The following IL1RAPL1 variants were observed in gnomAD, a reference collection of about 807,000 sequenced individuals.
The protein encoded by IL1RAPL1 is interleukin 1 receptor accessory protein like 1.
Under a neutral mutation model 48.4 loss-of-function variants are expected in IL1RAPL1, and 3 were observed. That is an observed-to-expected ratio of 0.06 (90% CI 0.03 to 0.16). IL1RAPL1 has a LOEUF of 0.16. Among genes scored for constraint, IL1RAPL1 ranks in the 10% least tolerant of loss-of-function variants. IL1RAPL1 has a pLI of 1.00. For synonymous variants in IL1RAPL1, 185 were observed against 187.7 expected, an observed-to-expected ratio of 0.99 and a Z score of 0.12; for missense variants, 349 against 530.6, an observed-to-expected ratio of 0.66 and a Z score of 3.36.
rs56284141 is a variant in IL1RAPL1, at chrX:29,405,511, T to C, written c.703+6203T>C. Among the ~76,000 whole-genome samples, 29 of 96,952 alleles carry C rather than the reference T, an allele frequency of 3.0e-4. 3 individuals carry two copies. The highest frequency in any genetic ancestry group is 9.2e-4 in the Admixed American group (9 of 9,739). The allele number at this position is 96,952 out of a possible 115,157, so 84.2% of individuals were successfully genotyped here. ...CCTCCCAAGTAGCTGGGACTACAGG[T>C]GCCCGCCACTAGGCCCAGCTAATTT... On this transcript the variant is annotated intron_variant, in intron 5 of 10. Coordinates refer to ENST00000378993, the MANE Select transcript of IL1RAPL1 (RefSeq NM_014271.4).
intron 3 of IL1RAPL1, among the ~76,000 whole-genome samples, chrX:29,334,787 C>A (rs1932957154): frequency 8.9e-6 from 1 of 112,847 alleles, no homozygotes; most frequent in South Asian, 3.7e-4. Context: ...TCCTCACTTT[C>A]CAGACTGTGC....
At chrX:29,419,275 C>G (rs902554059) in intron 5 of IL1RAPL1, among the ~76,000 whole-genome samples, 22 of 111,188 alleles carry the variant, frequency 2.0e-4, no homozygotes, top group African/African-American at 6.9e-4. Context: ...TATACTTCTT[C>G]TCATTCAAAT....
chrX:29,366,714 A>G (rs1445748841), intron 3 of IL1RAPL1, among the ~76,000 whole-genome samples: 2 of 107,522 alleles, frequency 1.9e-5, no homozygotes, highest in East Asian at 2.9e-4. Context: ...GACTACAGGT[A>G]CCCGGCACCA....
At chrX:29,843,996 T>C (rs1931194335) in intron 6 of IL1RAPL1, among the ~76,000 whole-genome samples, 1 of 111,546 alleles carries the variant, frequency 9.0e-6, no homozygotes, top group Admixed American at 9.6e-5. Flanking sequence ...GTTCCAGAGA[T>C]TGAGATTAGG....
At chrX:28,962,230 A>C (rs755778678) in intron 2 of IL1RAPL1, among the ~76,000 whole-genome samples, 1 of 112,122 alleles carries the variant, frequency 8.9e-6, no homozygotes, top group South Asian at 3.7e-4. Context: ...TAAACATTCA[A>C]ATGACTAAGC....
At chrX:28,698,888 AC>A (rs1167845777) in intron 1 of IL1RAPL1, among the ~76,000 whole-genome samples, 2 of 112,229 alleles carry the variant, frequency 1.8e-5, no homozygotes, top group African/African-American at 6.5e-5. Flanking sequence ...GCTAGAGAAT[AC>A]TACACAGAAA....
At chrX:29,144,603 CAAAAAAA>C (rs1235048808) in intron 2 of IL1RAPL1, among the ~76,000 whole-genome samples, 1 of 21,868 alleles carries the variant, frequency 4.6e-5, no homozygotes, top group Non-Finnish European at 9.3e-5. Flanking sequence ...AACTCAGTCT[CAAAAAAA>C]AAAAAAAAAA....
chrX:29,514,413 TTAAAAA>T (rs1403383840), intron 5 of IL1RAPL1, among the ~76,000 whole-genome samples: 3 of 112,796 alleles, frequency 2.7e-5, no homozygotes, highest in Non-Finnish European at 3.7e-5. Context: ...ATGTTTTTAC[TTAAAAA>T]TAGAAAAGAA....
chrX:29,136,777 G>C (rs1929137770), intron 2 of IL1RAPL1, among the ~76,000 whole-genome samples: 1 of 111,943 alleles, frequency 8.9e-6, no homozygotes, highest in African/African-American at 3.2e-5. Flanking sequence ...ATAATGTATG[G>C]ATGATGCTTA....
intron 1 of IL1RAPL1, among the ~76,000 whole-genome samples, chrX:28,707,806 C>T (rs1412717719): frequency 1.8e-5 from 2 of 112,014 alleles, no homozygotes. Flanking sequence ...GGTCTTTCCT[C>T]CTCTCCATTG....
intron 5 of IL1RAPL1, among the ~76,000 whole-genome samples, chrX:29,536,028 A>G (rs764672377): frequency 1.8e-5 from 2 of 112,043 alleles, no homozygotes; most frequent in African/African-American, 3.2e-5. Flanking sequence ...GTTGTAACCA[A>G]TGGTTAACAA....
At chrX:28,967,905 T>C (rs1306307807) in intron 2 of IL1RAPL1, among the ~76,000 whole-genome samples, 1 of 111,942 alleles carries the variant, frequency 8.9e-6, no homozygotes, top group Non-Finnish European at 1.9e-5. Flanking sequence ...GAGAAAAATA[T>C]TGATGAAGCA....
At chrX:28,792,733 A>G (rs1936553921) in intron 2 of IL1RAPL1, among the ~76,000 whole-genome samples, 1 of 83,426 alleles carries the variant, frequency 1.2e-5, no homozygotes, top group Non-Finnish European at 2.2e-5. Flanking sequence ...GCTCGCAGTG[A>G]GTCGAGATCA....
intron 2 of IL1RAPL1, among the ~76,000 whole-genome samples, chrX:29,259,648 G>C (rs1275944385): frequency 9.0e-6 from 1 of 111,088 alleles, no homozygotes; most frequent in South Asian, 3.7e-4. Flanking sequence ...AAATTTCAAA[G>C]TTGTATTACT....
chrX:28,778,555 G>A (rs1362066161), intron 1 of IL1RAPL1, among the ~76,000 whole-genome samples: 1 of 111,904 alleles, frequency 8.9e-6, no homozygotes, highest in Non-Finnish European at 1.9e-5. Flanking sequence ...GAATACGAAA[G>A]GCGTAAGAAA....
intron 1 of IL1RAPL1, among the ~76,000 whole-genome samples, chrX:28,601,459 A>G (rs1934026001): frequency 9.0e-6 from 1 of 110,839 alleles, no homozygotes; most frequent in Admixed American, 9.6e-5. Flanking sequence ...AAGCAAACAA[A>G]AAATCTCTCA....
chrX:29,176,260 A>ATTT (rs779013148), intron 2 of IL1RAPL1, among the ~76,000 whole-genome samples: 3 of 90,881 alleles, frequency 3.3e-5, no homozygotes, highest in African/African-American at 8.1e-5. Flanking sequence ...CGCCTGGCTA[A>ATTT]TTTTTTTTTT....
At chrX:28,861,138 T>C (rs1169378123) in intron 2 of IL1RAPL1, among the ~76,000 whole-genome samples, 1 of 111,715 alleles carries the variant, frequency 9.0e-6, no homozygotes, top group Non-Finnish European at 1.9e-5. Flanking sequence ...GCATTAATAC[T>C]TTTCCTTAAG....
At chrX:28,812,067 A>G (rs1238675480) in intron 2 of IL1RAPL1, among the ~76,000 whole-genome samples, 1 of 110,909 alleles carries the variant, frequency 9.0e-6, no homozygotes, top group Non-Finnish European at 1.9e-5. Context: ...CTCCTTCTGC[A>G]GGATTCCAGG....
Sources: gnomAD v4.1 joint callset for allele counts (sites outside exome capture counted in the v4.1 genomes callset) on GRCh38, gnomAD v4.1.1 for gene constraint, MANE v1.5 for transcripts, NCBI Gene and HGNC (gene_info 2026-07-23, HGNC 2026-07-21) for gene names.